The following PCSK2 variants were observed in gnomAD, a reference collection of about 807,000 sequenced individuals.
PCSK2 encodes proprotein convertase subtilisin/kexin type 2.
In PCSK2, 14 loss-of-function variants were observed where a neutral mutation model predicts 69.7. That is an observed-to-expected ratio of 0.20 (90% CI 0.13 to 0.31). The LOEUF (loss-of-function observed/expected upper bound fraction) is 0.31, where lower values mean the gene tolerates loss of function less well. Among genes scored for constraint, PCSK2 ranks in the 10% least tolerant of loss-of-function variants. The pLI is 1.00. For synonymous variants in PCSK2, 307 were observed against 320.7 expected (o/e 0.96, Z 0.46); for missense variants, 544 against 842.5 (o/e 0.65, Z 4.39).
intron 8 of PCSK2, among the ~76,000 whole-genome samples, chr20:17,437,198 G>T (rs1346699383): frequency 5.9e-5 from 9 of 152,234 alleles, no homozygotes; most frequent in Middle Eastern, 3.2e-3. Flanking sequence ...CAGACAGAAA[G>T]GGGCCTGCAC....
chr20:17,351,502 C>T (rs1248762560), intron 2 of PCSK2, among the ~76,000 whole-genome samples: 1 of 152,056 alleles, frequency 6.6e-6, no homozygotes, highest in African/African-American at 2.4e-5. Flanking sequence ...CAATTCACCA[C>T]AATTAAAAAG....
chr20:17,347,812 GAA>G (rs1990693066), intron 2 of PCSK2, among the ~76,000 whole-genome samples: 1 of 121,476 alleles, frequency 8.2e-6, no homozygotes, highest in African/African-American at 3.2e-5. Flanking sequence ...AAGAAAGAAA[GAA>G]AGAAAGAAAG....
intron 8 of PCSK2, among the ~76,000 whole-genome samples, chr20:17,447,580 T>C (rs1484845683): frequency 2.7e-5 from 4 of 149,518 alleles, no homozygotes; most frequent in Admixed American, 2.0e-4. Context: ...AACAATAATA[T>C]GGCAGATGGA....
chr20:17,303,392 A>G (rs2123093601), intron 2 of PCSK2, among the ~76,000 whole-genome samples: 1 of 116,982 alleles, frequency 8.5e-6, no homozygotes, highest in African/African-American at 3.2e-5. Context: ...AATATAATAT[A>G]TAATATATGT....
chr20:17,433,969 TC>T (rs1192032004), intron 7 of PCSK2, among the ~76,000 whole-genome samples: 2 of 122,354 alleles, frequency 1.6e-5, no homozygotes, highest in Non-Finnish European at 3.4e-5. Context: ...TCCTACACTC[TC>T]CCTCTCTCCC....
At chr20:17,303,437 AATATAATATATATT>A (rs1989166305) in intron 2 of PCSK2, among the ~76,000 whole-genome samples, 1 of 92,616 alleles carries the variant, frequency 1.1e-5, no homozygotes, top group Non-Finnish European at 2.2e-5. Flanking sequence ...TTTAATATAT[AATATAATATATATT>A]ATATTAAATA....
chr20:17,459,891 G>A (rs1329018614), intron 10 of PCSK2, among the ~76,000 whole-genome samples: 1 of 152,206 alleles, frequency 6.6e-6, no homozygotes, highest in East Asian at 1.9e-4. Flanking sequence ...GACTCTGGGT[G>A]CAGAGTGTGG....
chr20:17,236,951 A>C (rs1194384505), intron 1 of PCSK2, among the ~76,000 whole-genome samples: 8 of 152,156 alleles, frequency 5.3e-5, no homozygotes, highest in Non-Finnish European at 1.5e-5. Flanking sequence ...AGACACTGCT[A>C]GTAGACATGA....
chr20:17,450,309 T>G (rs6034832), intron 8 of PCSK2, among the ~76,000 whole-genome samples: 3 of 151,800 alleles, frequency 2.0e-5, no homozygotes, highest in Non-Finnish European at 4.4e-5. Context: ...ATTACAGGCA[T>G]GAGACACCGC....
chr20:17,269,043 T>A (rs1387193157), intron 2 of PCSK2, among the ~76,000 whole-genome samples: 1 of 152,214 alleles, frequency 6.6e-6, no homozygotes, highest in Non-Finnish European at 1.5e-5. Context: ...ATGGACAAGA[T>A]GGTGAGAGGA....
intron 4 of PCSK2, among the ~76,000 whole-genome samples, chr20:17,365,801 T>A (rs2030568840): frequency 6.6e-6 from 1 of 152,212 alleles, no homozygotes. Context: ...ATTCTGAGGC[T>A]TGAGAGTAAC....
intron 2 of PCSK2, among the ~76,000 whole-genome samples, chr20:17,268,356 T>C (rs777463491): frequency 5.5e-4 from 84 of 152,062 alleles, no homozygotes; most frequent in South Asian, 1.2e-3. Context: ...GCTATGAGAA[T>C]GAGTAGAGCA....
chr20:17,238,711 T>G (rs1986436042), intron 1 of PCSK2, among the ~76,000 whole-genome samples: 1 of 152,206 alleles, frequency 6.6e-6, no homozygotes, highest in South Asian at 2.1e-4. Flanking sequence ...CAGGTCCTCC[T>G]GATGTGCTTT....
intron 5 of PCSK2, among the ~76,000 whole-genome samples, chr20:17,371,844 A>G (rs553609364): frequency 7.2e-5 from 11 of 152,174 alleles, no homozygotes; most frequent in Admixed American, 6.5e-4. Context: ...GGTTGTTTCC[A>G]ATCAGTGTTT....
At chr20:17,342,555 C>T (rs1461236280) in intron 2 of PCSK2, among the ~76,000 whole-genome samples, 9 of 152,030 alleles carry the variant, frequency 5.9e-5, no homozygotes, top group East Asian at 5.8e-4. Context: ...TGGACTCAAG[C>T]GCTCCACCTG....
chr20:17,315,827 T>A (rs942191621), intron 2 of PCSK2, among the ~76,000 whole-genome samples: 2 of 152,178 alleles, frequency 1.3e-5, no homozygotes, highest in African/African-American at 4.8e-5. Context: ...TCTGTCCCGG[T>A]GCTTCACCCC....
chr20:17,339,856 G>A (rs1229832970), intron 2 of PCSK2, among the ~76,000 whole-genome samples: 1 of 152,088 alleles, frequency 6.6e-6, no homozygotes, highest in Non-Finnish European at 1.5e-5. Context: ...ATAGACTATG[G>A]GCTCAGTTTA....
chr20:17,357,307 C>A (rs1444037131), intron 2 of PCSK2, among the ~76,000 whole-genome samples: 1 of 152,216 alleles, frequency 6.6e-6, no homozygotes, highest in Non-Finnish European at 1.5e-5. Context: ...CCATCAATTT[C>A]TTCTCAGAGG....
intron 1 of PCSK2, among the ~76,000 whole-genome samples, chr20:17,253,446 A>G (rs1987065941): frequency 6.6e-6 from 1 of 152,172 alleles, no homozygotes; most frequent in Non-Finnish European, 1.5e-5. Flanking sequence ...ATTTCATATA[A>G]AGAAGTGATA....
Sources: allele counts gnomAD v4.1 joint callset (sites outside exome capture counted in the v4.1 genomes callset), GRCh38; gene constraint gnomAD v4.1.1; transcripts MANE v1.5; gene names NCBI Gene and HGNC (gene_info 2026-07-23, HGNC 2026-07-21).